Variants in FGD3 observed in about 807,000 individuals in gnomAD.
FGD3 encodes the protein FYVE, RhoGEF and PH domain containing 3.
A neutral mutation model predicts 71.8 loss-of-function variants in FGD3; 45 were observed. The ratio of observed to expected loss-of-function variants is 0.63; its 90% CI spans 0.49 to 0.80. The LOEUF (loss-of-function observed/expected upper bound fraction) is 0.80. Among genes scored for constraint, FGD3 ranks in the 30% least tolerant of loss-of-function variants. FGD3 has a pLI of 0.00. For missense variants in FGD3, 844 were observed against 951.5 expected (o/e 0.89, Z 1.49); for synonymous variants, 378 against 392.8 (o/e 0.96, Z 0.44).
chr9:92,996,688 A>G (rs1452243902), intron 3 of FGD3, among the ~76,000 whole-genome samples: 1 of 152,072 alleles, frequency 6.6e-6, no homozygotes, highest in Admixed American at 6.6e-5. Context: ...CTTTGTTCTC[A>G]TTGGTTTCAA....
intron 1 of FGD3, among the ~76,000 whole-genome samples, chr9:92,961,072 A>G (rs1360022312): frequency 6.6e-6 from 1 of 151,758 alleles, no homozygotes; most frequent in Non-Finnish European, 1.5e-5. Context: ...GGCTCTCTCC[A>G]TCCTGGCCTC....
chr9:92,976,739 G>A (rs771392557), intron 3 of FGD3, 30 bp downstream of exon 3: 16 of 1,529,282 alleles, frequency 1.0e-5, no homozygotes, highest in African/African-American at 6.9e-5. Context: ...TCCCCGCTGC[G>A]GGCTGCAGGC....
rs569465586 is a variant in FGD3, at chr9:92,999,098, C to T, written c.454-3827C>T. 2.9e-3 allele frequency among the ~76,000 whole-genome samples: 441 copies of T among 152,312 alleles called. 7 individuals carry two copies. The highest frequency in any genetic ancestry group is 0.01 in the African/African-American group (416 of 41,574). ...GGAGTCTACAGAGGCAGGCAGGCTT[C>T]CTTGAGCTGTGGTGGGCTCCACTCA... On this transcript the variant is annotated intron_variant, in intron 3 of 17. Coordinates refer to ENST00000375482, the MANE Select transcript of FGD3 (RefSeq NM_001083536.2).
chr9:92,970,901 G>A (rs1176322444), intron 1 of FGD3, among the ~76,000 whole-genome samples: 1 of 152,230 alleles, frequency 6.6e-6, no homozygotes, highest in East Asian at 1.9e-4. Flanking sequence ...GAGGGGCTCT[G>A]CCCGGCTACA....
intron 11 of FGD3, among the ~76,000 whole-genome samples, chr9:93,018,922 T>G (rs1861808153): frequency 1.3e-5 from 2 of 152,172 alleles, no homozygotes; most frequent in Non-Finnish European, 2.9e-5. Context: ...CTCGGCTCAC[T>G]GCAACCTCCA....
chr9:92,991,389 A>G (rs1860403522), intron 3 of FGD3, among the ~76,000 whole-genome samples: 1 of 152,076 alleles, frequency 6.6e-6, no homozygotes. Context: ...CTTAAATTTC[A>G]TTCTTAATTT....
At chr9:92,948,202 G>A (rs1483006827) in intron 1 of FGD3, among the ~76,000 whole-genome samples, 2 of 150,836 alleles carry the variant, frequency 1.3e-5, no homozygotes, top group African/African-American at 2.4e-5. Context: ...CCATGGCAAC[G>A]GGGACCCCAT....
At chr9:93,030,953 T>TGATG (rs201423014) in intron 15 of FGD3, among the ~76,000 whole-genome samples, 6 of 151,868 alleles carry the variant, frequency 4.0e-5, no homozygotes, top group Non-Finnish European at 7.4e-5. Context: ...ACTGGAGAAT[T>TGATG]GATGGATGGA....
At position 93,010,348 on chromosome 9, in the gene FGD3, C is replaced by G; in HGVS notation, c.940C>G (p.Leu314Val). Residue 314 changes from leucine (L) to valine (V), a missense_variant, in exon 7 of 18, where the codon CTC (leucine) becomes GTC (valine). Coordinates refer to ENST00000375482, the MANE Select transcript of FGD3 (RefSeq NM_001083536.2). ...GCTGCTCAAGGACTATCTGAAGAGG[C>G]TCCCGCAGGACGCCCCAGACCGGAA... ...ELLLKDYLKR[L>V]PQDAPDRKDA... 3 of 1,613,302 alleles carry G rather than the reference C, an allele frequency of 1.9e-6. No homozygotes were observed. Among genetic ancestry groups the G allele is most frequent in the Non-Finnish European group, 2.5e-6 (3 of 1,179,368 alleles).
intron 17 of FGD3, 32 bp from the exon 18 acceptor site, chr9:93,035,306 G>A (rs759152423): frequency 6.3e-7 from 1 of 1,594,768 alleles, no homozygotes. Context: ...GGGAAGCTGT[G>A]GCCCCGCTGA....
rs751133772 is a variant in FGD3, at chr9:93,034,590, G to T, written c.1835G>T (p.Arg612Leu). Residue 612 changes from arginine to leucine, a missense_variant, in exon 17 of 18, where the codon CGG (arginine) becomes CTG (leucine). Arg to Leu is a moderately radical substitution (Grantham distance 102, BLOSUM62 -2). Coordinates refer to ENST00000375482, the MANE Select transcript of FGD3 (RefSeq NM_001083536.2). ...CCCAGCCTGCTCTGCGGCCCCCTGC[G>T]GCTGTCAGAGAGCGGTGAGACCTGG... is the stretch of plus-strand genomic sequence containing the variant. ...PQPSLLCGPL[R>L]LSESGETWSE... The T allele has an allele frequency of 1.2e-6, 2 of 1,613,486 alleles. No individual in the cohort carries two copies. Among genetic ancestry groups the T allele is most frequent in the Non-Finnish European group, 1.7e-6 (2 of 1,179,854 alleles).
intron 14 of FGD3, among the ~76,000 whole-genome samples, 158 bp downstream of exon 14, chr9:93,022,547 G>A (rs918174712): frequency 2.0e-5 from 3 of 152,164 alleles, no homozygotes; most frequent in African/African-American, 7.2e-5. Context: ...GTGACTGGGG[G>A]CCTGGGTGTG....
At chr9:93,018,995 G>A (rs557663963) in intron 11 of FGD3, among the ~76,000 whole-genome samples, 99 of 152,120 alleles carry the variant, frequency 6.5e-4, no homozygotes, top group Admixed American at 2.9e-3. Context: ...ACAGGCACCC[G>A]CCACCACGCC....
chr9:92,947,927 C>G (rs953979685), intron 1 of FGD3, among the ~76,000 whole-genome samples, 198 bp downstream of exon 1: 1 of 151,954 alleles, frequency 6.6e-6, no homozygotes, highest in Non-Finnish European at 1.5e-5. Flanking sequence ...AGCTTTCTGC[C>G]CCCTCCTGAG....
At chr9:92,958,868 C>T (rs1859113603) in intron 1 of FGD3, among the ~76,000 whole-genome samples, 1 of 152,214 alleles carries the variant, frequency 6.6e-6, no homozygotes, top group African/African-American at 2.4e-5. Context: ...ATCAATTGAA[C>T]AAATGAATGA....
Position 92,958,436 on chromosome 9 carries a change from T to C in FGD3, c.-218+10707T>C, listed in dbSNP as rs149786798. 4.9e-3 allele frequency among the ~76,000 whole-genome samples: 751 copies of C among 152,358 alleles called. 7 individuals carry two copies. Among genetic ancestry groups the C allele is most frequent in the African/African-American group, 0.017 (716 of 41,574 alleles). On this transcript the variant is annotated intron_variant, in intron 1 of 17. Transcript: ENST00000375482. ...TCAACATCCTCCCCAGAGGAGACAT[T>C]TGTTACAATTGATGAACCTGCACTG...
At chr9:93,028,513 T>C (rs1466498968) in intron 14 of FGD3, among the ~76,000 whole-genome samples, 1 of 152,084 alleles carries the variant, frequency 6.6e-6, no homozygotes, top group African/African-American at 2.4e-5. Context: ...CATAACAAAG[T>C]GTCTCAAGGG....
At chr9:93,005,259 A>T (rs1027479093) in intron 5 of FGD3, among the ~76,000 whole-genome samples, 2 of 151,934 alleles carry the variant, frequency 1.3e-5, no homozygotes, top group African/African-American at 4.8e-5. Flanking sequence ...AGTAGCTGGG[A>T]CTGCAGGCGC....
intron 15 of FGD3, among the ~76,000 whole-genome samples, chr9:93,031,792 A>G (rs1326168922): frequency 2.0e-5 from 3 of 152,136 alleles, no homozygotes; most frequent in Non-Finnish European, 4.4e-5. Flanking sequence ...GTGGGGCAGG[A>G]TGGAACAGGA....
Sources: gnomAD v4.1 joint callset for allele counts (sites outside exome capture counted in the v4.1 genomes callset) on GRCh38, gnomAD v4.1.1 for gene constraint, MANE v1.5 for transcripts, NCBI Gene and HGNC (gene_info 2026-07-23, HGNC 2026-07-21) for gene names.